The following ALPK1 variants were observed in gnomAD, a reference collection of about 807,000 sequenced individuals.
ALPK1 encodes the protein alpha kinase 1.
A neutral mutation model predicts 120.6 loss-of-function variants in ALPK1; 110 were observed. The observed-to-expected ratio is 0.91, with a 90% confidence interval of 0.78 to 1.07. ALPK1 has a LOEUF of 1.07. Ranked by LOEUF, ALPK1 falls within the 50% of genes least tolerant of loss-of-function variation. The pLI is 0.00. For missense variants in ALPK1, 1,498 were observed against 1,483.9 expected (o/e 1.01, Z -0.16); for synonymous variants, 582 against 560.3 (o/e 1.04, Z -0.55).
chr4:112,394,183 C>T (rs1732550263), intron 4 of ALPK1, among the ~76,000 whole-genome samples: 1 of 152,196 alleles, frequency 6.6e-6, no homozygotes, highest in Admixed American at 6.5e-5. Flanking sequence ...CTCCCTGAAT[C>T]TACATGACTG....
intron 2 of ALPK1, chr4:112,356,348 G>A: frequency 2.3e-6 from 2 of 864,726 alleles, no homozygotes; most frequent in East Asian, 2.4e-5. Context: ...CAATTTTGCC[G>A]ATAGGGTGCA....
chr4:112,331,574 G>T (rs1729370650), intron 2 of ALPK1, among the ~76,000 whole-genome samples: 1 of 152,160 alleles, frequency 6.6e-6, no homozygotes, highest in Non-Finnish European at 1.5e-5. Flanking sequence ...GTTTCTCATG[G>T]CTGACAGTGA....
At chr4:112,307,908 G>A (rs912592944) in intron 1 of ALPK1, among the ~76,000 whole-genome samples, 5 of 152,048 alleles carry the variant, frequency 3.3e-5, no homozygotes, top group East Asian at 1.9e-4. Flanking sequence ...TCCATGTTTC[G>A]TGCTTCCTTC....
intron 2 of ALPK1, among the ~76,000 whole-genome samples, chr4:112,354,898 C>G (rs1730533672): frequency 6.6e-6 from 1 of 152,120 alleles, no homozygotes; most frequent in Non-Finnish European, 1.5e-5. Context: ...CTTTATTATT[C>G]TTGAACTGTT....
chr4:112,304,653 C>A (rs1727946429), intron 1 of ALPK1, among the ~76,000 whole-genome samples: 1 of 151,992 alleles, frequency 6.6e-6, no homozygotes, highest in African/African-American at 2.4e-5. Context: ...GATATTAGCC[C>A]TTTGTCAAAT....
In ALPK1 at chr4:112,369,311, C is replaced by G. The variant is rs1731293550; in HGVS notation, c.-100-8367C>G. Among the ~76,000 whole-genome samples the G allele has an allele frequency of 2.0e-5, 3 of 152,248 alleles. No individual in the cohort carries two copies. The South Asian group carries it at 6.2e-4, about 32-fold the overall frequency. On this transcript the variant is annotated intron_variant, in intron 2 of 15. Coordinates refer to ENST00000650871, the MANE Select transcript of ALPK1 (RefSeq NM_025144.4). ...ACTCTCCAGTCAGCTGCCTCTTTCT[C>G]CATTTGTTTCCCCACTTCTACTGCC...
intron 9 of ALPK1, among the ~76,000 whole-genome samples, chr4:112,428,881 G>C (rs575576766): frequency 6.6e-6 from 1 of 152,276 alleles, no homozygotes; most frequent in South Asian, 2.1e-4. Context: ...GCTTCAAAAT[G>C]TGCAGTTCCT....
chr4:112,313,865 G>T (rs746809214), intron 1 of ALPK1, among the ~76,000 whole-genome samples: 1 of 152,172 alleles, frequency 6.6e-6, no homozygotes, highest in Non-Finnish European at 1.5e-5. Flanking sequence ...GAAGAGAGAG[G>T]TTGGAAGCTC....
At chr4:112,305,308 G>A (rs1215616411) in intron 1 of ALPK1, among the ~76,000 whole-genome samples, 1 of 151,902 alleles carries the variant, frequency 6.6e-6, no homozygotes, top group Non-Finnish European at 1.5e-5. Context: ...TAGCTTGATG[G>A]GGATGGCATT....
chr4:112,358,157 G>A (rs1377157991), intron 2 of ALPK1: 17 of 615,162 alleles, frequency 2.8e-5, no homozygotes, highest in South Asian at 1.0e-4. Context: ...GGCGTCCAGG[G>A]CTGTGAACCA....
At chr4:112,309,512 T>C (rs1434139328) in intron 1 of ALPK1, among the ~76,000 whole-genome samples, 2 of 152,122 alleles carry the variant, frequency 1.3e-5, no homozygotes, top group African/African-American at 4.8e-5. Flanking sequence ...GTGCTAGCAA[T>C]GAGCGAGGCT....
intron 2 of ALPK1, among the ~76,000 whole-genome samples, chr4:112,334,432 C>CAAAAAA (rs34230609): frequency 1.7e-5 from 2 of 120,762 alleles, no homozygotes; most frequent in Admixed American, 8.2e-5. Context: ...GACTCTGCCT[C>CAAAAAA]AAAAAAAAAA....
chr4:112,359,045 A>G (rs1730785095), intron 2 of ALPK1: 3 of 760,048 alleles, frequency 3.9e-6, no homozygotes, highest in Admixed American at 1.7e-5. Flanking sequence ...GCATTCCCCA[A>G]AGGCAGCGGA....
At chr4:112,343,596 T>C (rs1729966598) in intron 2 of ALPK1, 1 of 152,228 alleles carries the variant, frequency 6.6e-6, no homozygotes, top group African/African-American at 2.4e-5. Context: ...GGTATACAAA[T>C]AGCTTGTAAG....
intron 2 of ALPK1, chr4:112,356,925 ACC>A: frequency 1.3e-6 from 1 of 758,340 alleles, no homozygotes; most frequent in South Asian, 1.3e-5. Flanking sequence ...GCATCCTTTG[ACC>A]TGACCCCCCA....
At chr4:112,417,527 C>T (rs984547868) in intron 5 of ALPK1, among the ~76,000 whole-genome samples, 1 of 152,148 alleles carries the variant, frequency 6.6e-6, no homozygotes, top group African/African-American at 2.4e-5. Flanking sequence ...CACTCTGTTA[C>T]CCAGGCTAGA....
chr4:112,374,388 A>G (rs1348141142), intron 2 of ALPK1, among the ~76,000 whole-genome samples: 1 of 152,164 alleles, frequency 6.6e-6, no homozygotes, highest in Non-Finnish European at 1.5e-5. Flanking sequence ...TATTTCCACC[A>G]CATCTGCAGC....
At chr4:112,357,308 G>C in intron 2 of ALPK1, 1 of 953,924 alleles carries the variant, frequency 1.0e-6, no homozygotes. Context: ...GAAGCTGGCG[G>C]ATATTGTCCA....
chr4:112,355,428 G>A (rs1039456995), intron 2 of ALPK1, among the ~76,000 whole-genome samples: 4 of 152,146 alleles, frequency 2.6e-5, no homozygotes, highest in Non-Finnish European at 5.9e-5. Context: ...AGAAGGAGGA[G>A]GTCAGGGCTA....
Sources: allele counts gnomAD v4.1 joint callset (sites outside exome capture counted in the v4.1 genomes callset), GRCh38; gene constraint gnomAD v4.1.1; transcripts MANE v1.5; gene names NCBI Gene and HGNC (gene_info 2026-07-23, HGNC 2026-07-21).